Variants in SLC8A2 observed in about 807,000 individuals in gnomAD.
The protein encoded by SLC8A2 is sodium/calcium exchanger 2.
In SLC8A2, 14 loss-of-function variants were observed where a neutral mutation model predicts 70.2. The ratio of observed to expected loss-of-function variants is 0.20; its 90% confidence interval spans 0.13 to 0.31. SLC8A2 has a LOEUF of 0.31. Ranked by LOEUF, SLC8A2 falls within the 10% of genes least tolerant of loss-of-function variation. The probability of loss-of-function intolerance (pLI) is 1.00; values close to 1 mark genes in which losing one functional copy is unlikely to be tolerated. For missense variants in SLC8A2, 779 were observed against 1,320.1 expected (o/e 0.59, Z 6.35); for synonymous variants, 575 against 594.3 (o/e 0.97, Z 0.47).
Position 47,430,049 on chromosome 19 carries a change from G to A in SLC8A2, c.*40C>T. On this transcript the variant is annotated 3_prime_UTR_variant, in exon 10 of 10. Transcript: ENST00000236877. This position sits in a 1 kb window ranked among gnomAD's most constrained non-coding sequence, Gnocchi z 5.9. Reference sequence around the variant, plus strand: ...AAGAGCAGGTGCAGCCGAGTCCCTAGCCCCGGGCGGGCGGTGGGGACGAGT... The same window carrying A: ...AAGAGCAGGTGCAGCCGAGTCCCTAACCCCGGGCGGGCGGTGGGGACGAGT... The A allele has an allele frequency of 6.5e-7, 1 of 1,544,440 alleles. No homozygotes were observed. Among genetic ancestry groups the A allele is most frequent in the Non-Finnish European group, 8.7e-7 (1 of 1,144,018 alleles).
rs537857873 is a variant in SLC8A2, at chr19:47,442,278, C to T, written c.1764-838G>A. Among the ~76,000 whole-genome samples the T allele has an allele frequency of 2.4e-4, 36 of 152,240 alleles. No individual in the cohort carries two copies. In the South Asian group the frequency reaches 4.8e-3, roughly 20 times the overall value. On this transcript the variant is annotated intron_variant, in intron 4 of 9. Coordinates refer to ENST00000236877, the MANE Select transcript of SLC8A2 (RefSeq NM_015063.3). ...AAACAATCCCATGCTTCAGCCTCAC[C>T]GCCCACAGTCTGTTCCTTCAAGAGC... is the stretch of plus-strand genomic sequence containing the variant.
intron 3 of SLC8A2, among the ~76,000 whole-genome samples, chr19:47,453,624 G>A (rs925369671): frequency 6.6e-6 from 1 of 152,180 alleles, no homozygotes; most frequent in African/African-American, 2.4e-5. Context: ...GTCCTGGCCA[G>A]GTGCAGTGGC....
At chr19:47,438,157 A>C (rs562999553) in intron 6 of SLC8A2, among the ~76,000 whole-genome samples, 184 bp from the exon 7 acceptor site, 1 of 152,108 alleles carries the variant, frequency 6.6e-6, no homozygotes, top group African/African-American at 2.4e-5. Context: ...CCAGCTCCCA[A>C]GGGTTGGTTC....
At chr19:47,460,868 G>A (rs1442570717) in intron 2 of SLC8A2, among the ~76,000 whole-genome samples, 1 of 152,004 alleles carries the variant, frequency 6.6e-6, no homozygotes, top group Non-Finnish European at 1.5e-5. Context: ...AGATATTCAT[G>A]GAAAGACTCA....
chr19:47,465,741 G>A lies in SLC8A2; in HGVS notation c.663C>T (p.Pro221=), dbSNP rs75670627. Residue 221 remains proline, a synonymous_variant, in exon 2 of 10, where the codon CCC becomes CCT. Transcript: ENST00000236877. The surrounding 1 kb of genome is among the most constrained non-coding windows in gnomAD (Gnocchi z 5.5). ...WLYLILAVFS[P]GVVQVWEALL... ...CGTCTTTGCTCACCTGGACCACACC[G>A]GGGGAAAAAACAGCAAGGATGAGAT... 2.6e-3 allele frequency: 4,161 copies of A among 1,610,002 alleles called. 61 individuals carry two copies. The highest frequency in any genetic ancestry group is 0.021 in the South Asian group (1,921 of 90,678).
At position 47,468,883 on chromosome 19, in the gene SLC8A2, G is replaced by A. The variant is rs899081627; in HGVS notation, c.-16-2464C>T. Among the ~76,000 whole-genome samples the A allele has an allele frequency of 1.8e-4, 27 of 152,290 alleles. No homozygotes were observed. Among genetic ancestry groups the A allele is most frequent in the African/African-American group, 6.5e-4 (27 of 41,564 alleles). On this transcript the variant is annotated intron_variant, in intron 1 of 9. Transcript: ENST00000236877. This position sits in a 1 kb window ranked among gnomAD's most constrained non-coding sequence, Gnocchi z 5.1. ...GTGGCTTATCAAAAAGAGAAGGAGA[G>A]AGGAAGAGAGGTGTCCTGGGAACCT...
In SLC8A2 at chr19:47,437,638, G is replaced by C. The variant is rs913569096; in HGVS notation, c.2011-77C>G. On this transcript the variant is annotated intron_variant, in intron 7 of 9. Transcript: ENST00000236877. Reference sequence around the variant, plus strand: ...AGCTCCATGTTGGGTCCTGGGTCGGGGGCTCACAGCCTGTGCCCAGGGGTC... The same window carrying C: ...AGCTCCATGTTGGGTCCTGGGTCGGCGGCTCACAGCCTGTGCCCAGGGGTC... 33 of 1,290,292 alleles carry C rather than the reference G, an allele frequency of 2.6e-5. No individual in the cohort carries two copies. In the Admixed American group the frequency reaches 5.6e-4, roughly 22 times the overall value. 79.9% of individuals were successfully genotyped at this position (1,290,292 alleles called of 1,614,324 possible).
rs1248341854 is a variant in SLC8A2 at position 47,437,611 on chromosome 19, G to A, written c.2011-50C>T. Reference sequence around the variant, plus strand: ...GGTCACTGCCCCTGAGCGAACCAGGGAAGCTCCATGTTGGGTCCTGGGTCG... The same window carrying A: ...GGTCACTGCCCCTGAGCGAACCAGGAAAGCTCCATGTTGGGTCCTGGGTCG... On this transcript the variant is annotated intron_variant, in intron 7 of 9. Coordinates refer to ENST00000236877, the MANE Select transcript of SLC8A2 (RefSeq NM_015063.3). 4.1e-6 allele frequency: 6 copies of A among 1,446,196 alleles called. No individual in the cohort carries two copies. In the South Asian group the frequency reaches 6.9e-5, roughly 17 times the overall value. 89.6% of individuals were successfully genotyped at this position (1,446,196 alleles called of 1,614,324 possible).
intron 3 of SLC8A2, among the ~76,000 whole-genome samples, chr19:47,452,439 A>AGTGT (rs1967252617): frequency 2.1e-4 from 16 of 77,840 alleles, no homozygotes; most frequent in Admixed American, 1.2e-3. Flanking sequence ...AGAGAGAGAG[A>AGTGT]GAGAGAGTGT....
In SLC8A2 at chr19:47,465,810, G is replaced by A. The variant is rs1967450430; in HGVS notation, c.594C>T (p.Phe198=). ...ESRKIKHLRV[F]FVTASWSIFA... ...AGATGCTCCAAGAGGCAGTGACAAA[G>A]AAGACTCTCAGGTGCTTGATCTTGC... Residue 198 remains phenylalanine, a synonymous_variant, in exon 2 of 10, where the codon TTC becomes TTT. Transcript: ENST00000236877. This position sits in a 1 kb window ranked among gnomAD's most constrained non-coding sequence, Gnocchi z 5.5. 2.5e-6 allele frequency: 4 copies of A among 1,614,158 alleles called. No individual in the cohort carries two copies. The highest frequency in any genetic ancestry group is 3.4e-6 in the Non-Finnish European group (4 of 1,180,014).
Position 47,432,023 on chromosome 19 carries a change from C to G in SLC8A2, c.2389+144G>C. The G allele has an allele frequency of 1.4e-6, 1 of 722,438 alleles. No homozygotes were observed. Among genetic ancestry groups the G allele is most frequent in the Non-Finnish European group, 2.2e-6 (1 of 465,058 alleles). 44.8% of individuals were successfully genotyped at this position (722,438 alleles called of 1,614,324 possible). A position where few individuals can be genotyped will look rare whatever the true frequency, so the allele number is the denominator to read the frequency against. On this transcript the variant is annotated intron_variant, in intron 9 of 9. Coordinates refer to ENST00000236877, the MANE Select transcript of SLC8A2 (RefSeq NM_015063.3). This position sits in a 1 kb window ranked among gnomAD's most constrained non-coding sequence, Gnocchi z 6.2. Reference sequence around the variant, plus strand: ...ACCTAGGGGACCCGCTGCCTGGCTTCTATTATGCCCCACCTCCGTATTTCT... The same window carrying G: ...ACCTAGGGGACCCGCTGCCTGGCTTGTATTATGCCCCACCTCCGTATTTCT...
At chr19:47,437,635 C>A (rs1453150070) in intron 7 of SLC8A2, 74 bp from the exon 8 acceptor site, 2 of 1,295,952 alleles carry the variant, frequency 1.5e-6, no homozygotes, top group South Asian at 1.2e-5. Flanking sequence ...GGTCCTGGGT[C>A]GGGGGCTCAC....
In SLC8A2 at chr19:47,447,537, C is replaced by T; in HGVS notation, c.1763+272G>A. On this transcript the variant is annotated intron_variant, in intron 4 of 9. Transcript: ENST00000236877. The surrounding 1 kb of genome is among the most constrained non-coding windows in gnomAD (Gnocchi z 5.1). Reference sequence around the variant, plus strand: ...CAGCACACCTAGGCCCCGCCCCTCCCGAGGCCAAGCCCACTTTGGAGAACG... The same window carrying T: ...CAGCACACCTAGGCCCCGCCCCTCCTGAGGCCAAGCCCACTTTGGAGAACG... 2.1e-6 allele frequency: 1 copy of T among 476,704 alleles called. No homozygotes were observed. Among genetic ancestry groups the T allele is most frequent in the Non-Finnish European group, 3.7e-6 (1 of 268,760 alleles). 29.5% of individuals were successfully genotyped at this position (476,704 alleles called of 1,614,324 possible).
At chr19:47,459,302 C>T (rs1387136109) in intron 2 of SLC8A2, among the ~76,000 whole-genome samples, 1 of 152,024 alleles carries the variant, frequency 6.6e-6, no homozygotes, top group Admixed American at 6.6e-5. Context: ...CAGCGGTTTT[C>T]TTAGCCTTTC....
At chr19:47,437,371 T>C in intron 8 of SLC8A2, 91 bp downstream of exon 8, 1 of 982,152 alleles carries the variant, frequency 1.0e-6, no homozygotes, top group South Asian at 1.3e-5. Flanking sequence ...CCTGTTTATC[T>C]TTGTGCCTGT....
rs1314324519 is a variant in SLC8A2 at position 47,429,783 on chromosome 19, G to T, written c.*306C>A. 1.1e-5 allele frequency: 5 copies of T among 472,360 alleles called. No individual in the cohort carries two copies. The highest frequency in any genetic ancestry group is 2.0e-5 in the African/African-American group (1 of 49,538). 29.3% of individuals were successfully genotyped at this position (472,360 alleles called of 1,614,324 possible). ...ACTCCCCAGGATGGTTACTGGGGGT[G>T]GTTCCCTGGGGAGGGGACTGGGGTG... On this transcript the variant is annotated 3_prime_UTR_variant, in exon 10 of 10. Transcript: ENST00000236877.
Position 47,466,403 on chromosome 19 carries a change from TGGG to T in SLC8A2, c.-3_-1del. On this transcript the variant is annotated 5_prime_UTR_variant, in exon 2 of 10. Transcript: ENST00000236877. The surrounding 1 kb of genome is among the most constrained non-coding windows in gnomAD (Gnocchi z 6.9). Reference sequence around the variant, plus strand: ...ACCCCCACCAAGGCCAGGGGAGCCATGGGGGGTGGTGGGGTCCTATGGGGGAGG... The same window carrying T: ...ACCCCCACCAAGGCCAGGGGAGCCATGGGTGGTGGGGTCCTATGGGGGAGG... The T allele has an allele frequency of 1.5e-6, 2 of 1,322,054 alleles. No homozygotes were observed. Among genetic ancestry groups the T allele is most frequent in the Non-Finnish European group, 2.0e-6 (2 of 999,998 alleles). The allele number at this position is 1,322,054 out of a possible 1,614,324, so 81.9% of individuals were successfully genotyped here.
At position 47,447,181 on chromosome 19, in the gene SLC8A2, G is replaced by A. The variant is rs57176704; in HGVS notation, c.1763+628C>T. Among the ~76,000 whole-genome samples the A allele has an allele frequency of 0.031, 4,520 of 147,624 alleles. 220 individuals carry two copies. Among genetic ancestry groups the A allele is most frequent in the African/African-American group, 0.11 (4,239 of 39,890 alleles). On this transcript the variant is annotated intron_variant, in intron 4 of 9. Coordinates refer to ENST00000236877, the MANE Select transcript of SLC8A2 (RefSeq NM_015063.3). This position sits in a 1 kb window ranked among gnomAD's most constrained non-coding sequence, Gnocchi z 5.1. The stretch of plus-strand genomic sequence containing the variant: ...ATCTTGTTAGGCCCCGCCTTCTTCC[G>A]CAGCCCACATCCATTTTCCCATTTC...
At position 47,430,504 on chromosome 19, in the gene SLC8A2, C is replaced by T. The variant is rs367701679; in HGVS notation, c.2390-39G>A. On this transcript the variant is annotated intron_variant, in intron 9 of 9. Transcript: ENST00000236877. This position sits in a 1 kb window ranked among gnomAD's most constrained non-coding sequence, Gnocchi z 5.9. The stretch of plus-strand genomic sequence containing the variant: ...ACATACAGGTCGGAGGGGCTTTGCG[C>T]CGCCACCCACAGGGGCGGGCATCCG... The T allele has an allele frequency of 2.5e-4, 388 of 1,536,018 alleles. No individual in the cohort carries two copies. The highest frequency in any genetic ancestry group is 3.3e-4 in the Non-Finnish European group (381 of 1,145,568).
Sources: gnomAD v4.1 joint callset for allele counts (sites outside exome capture counted in the v4.1 genomes callset) on GRCh38, gnomAD v4.1.1 for gene constraint, Gnocchi (gnomAD v3.1) non-coding constraint, MANE v1.5 for transcripts, NCBI Gene and HGNC (gene_info 2026-07-23, HGNC 2026-07-21) for gene names.